Variants in EEF2K observed in about 807,000 individuals in gnomAD.
EEF2K encodes the protein eukaryotic elongation factor 2 kinase.
EEF2K carries 70 observed loss-of-function variants against 93.8 expected under a neutral mutation model. That is an observed-to-expected ratio of 0.75 (90% CI 0.62 to 0.91). EEF2K has a LOEUF of 0.91. Among genes scored for constraint, EEF2K ranks in the 40% least tolerant of loss-of-function variants. The pLI is 0.00. For missense variants in EEF2K, 935 were observed against 972.9 expected (o/e 0.96, Z 0.52); for synonymous variants, 376 against 380.8 (o/e 0.99, Z 0.15).
rs1350329637 is a variant in EEF2K, at chr16:22,287,386, C to G, written c.*3390C>G. On this transcript the variant is annotated 3_prime_UTR_variant, in exon 18 of 18. Coordinates refer to ENST00000263026, the MANE Select transcript of EEF2K (RefSeq NM_013302.5). Reference sequence around the variant, plus strand: ...ACGCAAAACCCAGGACATTCCAGCCCAACTGGGACGATATCAGAGACCATC... The same window carrying G: ...ACGCAAAACCCAGGACATTCCAGCCGAACTGGGACGATATCAGAGACCATC... 1 of 152,200 alleles carries G rather than the reference C, an allele frequency of 6.6e-6. No individual in the cohort carries two copies. The highest frequency in any genetic ancestry group is 2.4e-5 in the African/African-American group (1 of 41,450). 9.4% of individuals were successfully genotyped at this position (152,200 alleles called of 1,614,324 possible). A position where few individuals can be genotyped will look rare whatever the true frequency, so the allele number is the denominator to read the frequency against.
At chr16:22,236,991 C>CT (rs1295561212) in intron 2 of EEF2K, among the ~76,000 whole-genome samples, 1 of 116,282 alleles carries the variant, frequency 8.6e-6, no homozygotes, top group African/African-American at 3.3e-5. Context: ...GTCACCCAGG[C>CT]TGTAGTGCAG....
rs1247186430 is a variant in EEF2K at position 22,251,406 on chromosome 16, A to G, written c.618+84A>G. ...GGAAAGAGGGCCATGGTGAATCCCT[A>G]TTTCACCTTCTTTTTTTTTTTTTTT... On this transcript the variant is annotated intron_variant, in intron 6 of 17. Transcript: ENST00000263026. 1.2e-5 allele frequency: 16 copies of G among 1,355,466 alleles called. No homozygotes were observed. In the East Asian group the frequency reaches 4.2e-4, roughly 36 times the overall value. The allele number at this position is 1,355,466 out of a possible 1,614,324, so 84.0% of individuals were successfully genotyped here.
chr16:22,264,252 G>T (rs999957111), intron 12 of EEF2K, among the ~76,000 whole-genome samples: 2 of 132,400 alleles, frequency 1.5e-5, no homozygotes, highest in African/African-American at 5.8e-5. Flanking sequence ...AGGTCATGCC[G>T]CTGCACTCCA....
intron 1 of EEF2K, among the ~76,000 whole-genome samples, chr16:22,211,298 A>G (rs908451176): frequency 2.6e-5 from 4 of 152,172 alleles, no homozygotes; most frequent in African/African-American, 9.7e-5. Flanking sequence ...ACTTGAATTC[A>G]TCCCAAAGGC....
chr16:22,231,412 G>C (rs1394787822), intron 2 of EEF2K, among the ~76,000 whole-genome samples: 1 of 151,644 alleles, frequency 6.6e-6, no homozygotes, highest in Non-Finnish European at 1.5e-5. Flanking sequence ...CACCACGCCC[G>C]ACCTGATCCT....
chr16:22,234,628 T>C (rs1026297338), intron 2 of EEF2K, among the ~76,000 whole-genome samples: 4 of 152,048 alleles, frequency 2.6e-5, no homozygotes, highest in African/African-American at 9.7e-5. Context: ...ATTCAAAGCC[T>C]TTGAGTATAT....
chr16:22,241,249 A>G (rs1036014991), intron 2 of EEF2K, among the ~76,000 whole-genome samples: 2 of 152,166 alleles, frequency 1.3e-5, no homozygotes, highest in African/African-American at 4.8e-5. Context: ...CTTTGGAATC[A>G]GAAAAAAAAA....
At position 22,280,213 on chromosome 16, in the gene EEF2K, A is replaced by G. The variant is rs745593544; in HGVS notation, c.1905A>G (p.Leu635=). The G allele has an allele frequency of 6.6e-7, 1 of 1,524,190 alleles. No individual in the cohort carries two copies. Among genetic ancestry groups the G allele is most frequent in the Non-Finnish European group, 8.8e-7 (1 of 1,133,516 alleles). 94.4% of individuals were successfully genotyped at this position (1,524,190 alleles called of 1,614,324 possible). Residue 635 remains leucine (L), a synonymous_variant, in exon 17 of 18, where the codon CTA becomes CTG. Coordinates refer to ENST00000263026, the MANE Select transcript of EEF2K (RefSeq NM_013302.5). ...NLSPDRCQDW[L]EALHWYNTAL... The stretch of plus-strand genomic sequence containing the variant: ...TCCTGGCAAGGTGCCAAGACTGGCT[A>G]GAGGCCCTGCACTGGTACAACACTG...
At chr16:22,258,086 C>T (rs2047424809) in intron 9 of EEF2K, among the ~76,000 whole-genome samples, 2 of 152,070 alleles carry the variant, frequency 1.3e-5, no homozygotes, top group African/African-American at 4.8e-5. Context: ...GATGTATTGA[C>T]AAATGACTGA....
rs1004048729 is a variant in EEF2K, at chr16:22,255,062, A to G, written c.619-1686A>G. 4.1e-4 allele frequency among the ~76,000 whole-genome samples: 63 copies of G among 152,194 alleles called. 3 individuals are homozygous for G. The highest frequency in any genetic ancestry group is 1.0e-4 in the Non-Finnish European group (7 of 68,048). On this transcript the variant is annotated intron_variant, in intron 6 of 17. Coordinates refer to ENST00000263026, the MANE Select transcript of EEF2K (RefSeq NM_013302.5). Reference sequence around the variant, plus strand: ...GTCCAGCCTGGGCAACAGCCTGGGCAATAAAATATAAAATAAAATGAAAGC... The same window carrying G: ...GTCCAGCCTGGGCAACAGCCTGGGCGATAAAATATAAAATAAAATGAAAGC...
At position 22,225,718 on chromosome 16, in the gene EEF2K, C is replaced by A. The variant is rs145675806; in HGVS notation, c.-12C>A. ...CCGGATACTGCTTGGGTAAAACGGG[C>A]ACCCCAGGAACATGGCAGACGAAGA... On this transcript the variant is annotated 5_prime_UTR_variant, in exon 2 of 18. Transcript: ENST00000263026. 1.3e-3 allele frequency: 2,054 copies of A among 1,612,276 alleles called. 5 individuals are homozygous for A. The highest frequency in any genetic ancestry group is 1.6e-3 in the Non-Finnish European group (1,918 of 1,178,878).
chr16:22,248,934 G>T (rs2047321576), intron 4 of EEF2K, 119 bp downstream of exon 4: 2 of 1,004,612 alleles, frequency 2.0e-6, no homozygotes, highest in Non-Finnish European at 2.9e-6. Flanking sequence ...AACTTCGGGG[G>T]ATTCTTTGTT....
chr16:22,224,126 G>C (rs148792935), intron 1 of EEF2K, among the ~76,000 whole-genome samples: 13,667 of 152,112 alleles, frequency 0.09, 925 homozygotes, highest in East Asian at 0.29. Context: ...AGAATTGCTT[G>C]AACTCGGGAG....
intron 1 of EEF2K, among the ~76,000 whole-genome samples, chr16:22,216,094 G>T (rs1304912033): frequency 6.6e-6 from 1 of 152,166 alleles, no homozygotes; most frequent in Non-Finnish European, 1.5e-5. Flanking sequence ...GCTCCTAATG[G>T]TGGGGCCCAG....
chr16:22,235,407 A>G (rs2047158314), intron 2 of EEF2K, among the ~76,000 whole-genome samples: 1 of 152,102 alleles, frequency 6.6e-6, no homozygotes, highest in Admixed American at 6.6e-5. Context: ...GTAAATATGG[A>G]TGTAGTGTCT....
intron 16 of EEF2K, among the ~76,000 whole-genome samples, chr16:22,275,883 C>G (rs1460374864): frequency 6.6e-6 from 1 of 151,908 alleles, no homozygotes; most frequent in Non-Finnish European, 1.5e-5. Flanking sequence ...TCGGGTAATC[C>G]TGCCTGCCTC....
intron 3 of EEF2K, among the ~76,000 whole-genome samples, chr16:22,247,043 A>C: frequency 7.1e-6 from 1 of 141,396 alleles, no homozygotes; most frequent in South Asian, 2.2e-4. Context: ...ATCTCAAAAA[A>C]AAAAAAAAAA....
chr16:22,224,922 C>T (rs2142106248), intron 1 of EEF2K, among the ~76,000 whole-genome samples: 1 of 151,680 alleles, frequency 6.6e-6, no homozygotes, highest in African/African-American at 2.4e-5. Flanking sequence ...CATTGCACTC[C>T]AGCCTGGGTG....
At chr16:22,257,479 CTG>C (rs2047414821) in intron 8 of EEF2K, 94 bp downstream of exon 8, 1 of 1,556,804 alleles carries the variant, frequency 6.4e-7, no homozygotes. Flanking sequence ...GGCTGAGACA[CTG>C]TACGCGCTTT....
Sources: allele counts gnomAD v4.1 joint callset (sites outside exome capture counted in the v4.1 genomes callset), GRCh38; gene constraint gnomAD v4.1.1; transcripts MANE v1.5; gene names NCBI Gene and HGNC (gene_info 2026-07-23, HGNC 2026-07-21).